The following PACRG variants were observed in gnomAD, a reference collection of about 807,000 sequenced individuals.
PACRG encodes parkin coregulated gene protein.
Under a neutral mutation model 29.7 loss-of-function variants are expected in PACRG, and 29 were observed. The observed-to-expected ratio is 0.98, with a 90% CI of 0.73 to 1.33. The LOEUF is 1.33. Ranked by LOEUF, PACRG falls within the 40% of genes most tolerant of loss-of-function variation. PACRG has a pLI of 0.00. For missense variants in PACRG, 279 were observed against 316.2 expected, an observed-to-expected ratio of 0.88 and a Z score of 0.89; for synonymous variants, 116 against 118.7, an observed-to-expected ratio of 0.98 and a Z score of 0.15.
chr6:163,301,479 T>TA (rs557622186), intron 4 of PACRG, among the ~76,000 whole-genome samples: 15 of 152,130 alleles, frequency 9.9e-5, no homozygotes, highest in Admixed American at 2.6e-4. Flanking sequence ...CAGTCTAGAC[T>TA]AAAAAAACTC....
At chr6:163,173,639 G>C (rs1779204911) in intron 4 of PACRG, among the ~76,000 whole-genome samples, 1 of 152,124 alleles carries the variant, frequency 6.6e-6, no homozygotes, top group South Asian at 2.1e-4. Flanking sequence ...TATGGTTTTT[G>C]CCTCAGGACC....
chr6:162,790,626 C>A (rs1193320963), intron 1 of PACRG, among the ~76,000 whole-genome samples: 1 of 151,980 alleles, frequency 6.6e-6, no homozygotes, highest in East Asian at 1.9e-4. Context: ...CTTTACACAT[C>A]TTACTGTATA....
chr6:162,907,685 G>T (rs1375582800), intron 2 of PACRG, among the ~76,000 whole-genome samples: 2 of 151,990 alleles, frequency 1.3e-5, no homozygotes, highest in African/African-American at 4.8e-5. Context: ...CACATAAAAA[G>T]AGCTACATTA....
intron 2 of PACRG, among the ~76,000 whole-genome samples, chr6:162,959,996 A>T (rs1800476441): frequency 6.6e-6 from 1 of 152,224 alleles, no homozygotes; most frequent in African/African-American, 2.4e-5. Context: ...GCCAACAAAC[A>T]TATGAAAAAT....
At chr6:163,215,334 G>A (rs1212787510) in intron 4 of PACRG, among the ~76,000 whole-genome samples, 2 of 152,126 alleles carry the variant, frequency 1.3e-5, no homozygotes, top group Non-Finnish European at 2.9e-5. Flanking sequence ...GAATTAATTT[G>A]CTTCTAACGC....
intron 1 of PACRG, among the ~76,000 whole-genome samples, chr6:162,763,750 A>G (rs1472666713): frequency 6.6e-6 from 1 of 152,048 alleles, no homozygotes; most frequent in Non-Finnish European, 1.5e-5. Context: ...ATAATGAATT[A>G]TTTTCTGTTG....
chr6:163,094,703 C>T (rs923320952), intron 4 of PACRG, among the ~76,000 whole-genome samples: 8 of 152,200 alleles, frequency 5.3e-5, no homozygotes, highest in African/African-American at 1.4e-4. Flanking sequence ...ACTCAGCCTA[C>T]GCAACCAGTA....
At chr6:163,278,126 A>G (rs1318603472) in intron 4 of PACRG, among the ~76,000 whole-genome samples, 1 of 152,188 alleles carries the variant, frequency 6.6e-6, no homozygotes, top group Middle Eastern at 3.4e-3. Flanking sequence ...TTGGTCATTC[A>G]TATATCTTCA....
intron 2 of PACRG, among the ~76,000 whole-genome samples, chr6:163,003,458 G>GA (rs1229853565): frequency 6.6e-6 from 1 of 151,694 alleles, no homozygotes; most frequent in Admixed American, 6.6e-5. Context: ...AATCAAGTCA[G>GA]AAAAAAAATA....
At chr6:163,099,281 C>T (rs1394569587) in intron 4 of PACRG, among the ~76,000 whole-genome samples, 1 of 152,158 alleles carries the variant, frequency 6.6e-6, no homozygotes, top group Non-Finnish European at 1.5e-5. Context: ...TGGCACATTT[C>T]CCAATCAGAG....
intron 2 of PACRG, among the ~76,000 whole-genome samples, chr6:162,940,400 C>A (rs961910180): frequency 6.6e-6 from 1 of 152,088 alleles, no homozygotes; most frequent in Non-Finnish European, 1.5e-5. Context: ...CCCTCTCTCT[C>A]TCTCTCCTGC....
At chr6:163,177,707 G>C (rs1016586737) in intron 4 of PACRG, among the ~76,000 whole-genome samples, 3 of 52,282 alleles carry the variant, frequency 5.7e-5, no homozygotes, top group Non-Finnish European at 1.3e-4. Context: ...AATTAGAAAA[G>C]GGATTTTTTT....
At chr6:163,237,146 G>A (rs6455885) in intron 4 of PACRG, among the ~76,000 whole-genome samples, 63,296 of 151,948 alleles carry the variant, frequency 0.42, 14,217 homozygotes, top group African/African-American at 0.58. Context: ...GTAATGTGTA[G>A]ATATTTCCTT....
At chr6:163,142,169 G>A (rs1450570338) in intron 4 of PACRG, among the ~76,000 whole-genome samples, 1 of 152,090 alleles carries the variant, frequency 6.6e-6, no homozygotes, top group Non-Finnish European at 1.5e-5. Flanking sequence ...TAGAAAGTGA[G>A]CAACAAGGTA....
chr6:162,847,156 T>TC (rs1790475038), intron 2 of PACRG, among the ~76,000 whole-genome samples: 1 of 150,100 alleles, frequency 6.7e-6, no homozygotes, highest in East Asian at 2.1e-4. Context: ...CTCCAGAGCT[T>TC]CACACACTGA....
chr6:162,973,787 C>T (rs998608613), intron 2 of PACRG, among the ~76,000 whole-genome samples: 16 of 151,922 alleles, frequency 1.1e-4, no homozygotes, highest in Admixed American at 2.0e-4. Context: ...TGTATGCGTG[C>T]GCACGCTATT....
chr6:162,837,565 T>C (rs1789340106), intron 2 of PACRG, among the ~76,000 whole-genome samples: 1 of 152,196 alleles, frequency 6.6e-6, no homozygotes, highest in Non-Finnish European at 1.5e-5. Flanking sequence ...TAATTTTTAG[T>C]TGGATTTGAC....
At chr6:162,879,891 C>G (rs1793689164) in intron 2 of PACRG, among the ~76,000 whole-genome samples, 1 of 152,176 alleles carries the variant, frequency 6.6e-6, no homozygotes, top group Non-Finnish European at 1.5e-5. Flanking sequence ...CCTGATATAT[C>G]TACAAAACAC....
intron 4 of PACRG, among the ~76,000 whole-genome samples, chr6:163,303,117 G>A (rs35893909): frequency 2.0e-5 from 3 of 152,044 alleles, no homozygotes; most frequent in African/African-American, 4.8e-5. Flanking sequence ...GATGACTTAA[G>A]TCGAGACGTT....
Sources: allele counts gnomAD v4.1 joint callset (sites outside exome capture counted in the v4.1 genomes callset), GRCh38; gene constraint gnomAD v4.1.1; transcripts MANE v1.5; gene names NCBI Gene and HGNC (gene_info 2026-07-23, HGNC 2026-07-21).